Variants in UTP18 observed in about 807,000 individuals in gnomAD.
UTP18 encodes the protein U3 small nucleolar RNA-associated protein 18 homolog.
Under a neutral mutation model 61.1 loss-of-function variants are expected in UTP18, and 36 were observed. That is an observed-to-expected ratio of 0.59 (90% CI 0.45 to 0.78). UTP18 has a LOEUF of 0.78. Ranked by LOEUF, UTP18 falls within the 30% of genes least tolerant of loss-of-function variation. The probability of loss-of-function intolerance (pLI) is 0.00; values close to 1 mark genes in which losing one functional copy is unlikely to be tolerated. For missense variants in UTP18, 753 were observed against 693.9 expected (o/e 1.09, Z -0.96); for synonymous variants, 282 against 251.1 (o/e 1.12, Z -1.16).
chr17:51,288,218 A>T lies in UTP18; in HGVS notation c.1503+15A>T, dbSNP rs1362149985. ...CAGTCAGATTGGTAAATATTTCATT[A>T]CCCCTTTATTATTGTTATTTTTTAA... On this transcript the variant is annotated intron_variant, in intron 11 of 13. Transcript: ENST00000225298. 2.6e-6 allele frequency: 4 copies of T among 1,561,704 alleles called. No individual in the cohort carries two copies. Among genetic ancestry groups the T allele is most frequent in the Non-Finnish European group, 8.6e-7 (1 of 1,161,164 alleles).
intron 4 of UTP18, among the ~76,000 whole-genome samples, chr17:51,269,734 C>G (rs1249942401): frequency 6.6e-6 from 1 of 152,082 alleles, no homozygotes; most frequent in Non-Finnish European, 1.5e-5. Flanking sequence ...TGTTTCTAGC[C>G]ATTTGCTTTT....
intron 5 of UTP18, among the ~76,000 whole-genome samples, chr17:51,275,417 A>C: frequency 6.6e-6 from 1 of 152,306 alleles, no homozygotes; most frequent in South Asian, 2.1e-4. Flanking sequence ...TGCCAATTGA[A>C]GAACTGTGGG....
intron 9 of UTP18, among the ~76,000 whole-genome samples, chr17:51,283,525 C>G (rs1243248746): frequency 6.7e-6 from 1 of 148,342 alleles, no homozygotes; most frequent in Non-Finnish European, 1.5e-5. Flanking sequence ...GTTCACATTA[C>G]ATTGTTACAT....
At position 51,288,180 on chromosome 17, in the gene UTP18, A is replaced by G; in HGVS notation, c.1480A>G (p.Lys494Glu). Residue 494 changes from lysine (K) to glutamate (E), a missense_variant, in exon 11 of 14, where the codon AAA becomes GAA. Lys to Glu is a moderately conservative substitution (Grantham distance 56). Transcript: ENST00000225298. ...AGAAATCTTGGCAATTGCTTCAGAA[A>G]AAATGAAAGAAGCAGTCAGATTGGT... ...TTEILAIASEKMKEAVRLVHL... is the reference protein window; with the variant it reads ...TTEILAIASEEMKEAVRLVHL... 1 of 1,591,370 alleles carries G rather than the reference A, an allele frequency of 6.3e-7. No homozygotes were observed. Among genetic ancestry groups the G allele is most frequent in the Non-Finnish European group, 8.5e-7 (1 of 1,174,394 alleles).
chr17:51,271,864 C>T (rs1483628228), intron 4 of UTP18, among the ~76,000 whole-genome samples: 1 of 151,860 alleles, frequency 6.6e-6, no homozygotes, highest in African/African-American at 2.4e-5. Flanking sequence ...CACGGGGTTT[C>T]ACCATTTTGG....
intron 7 of UTP18, among the ~76,000 whole-genome samples, chr17:51,277,875 C>G (rs1305875179): frequency 1.3e-5 from 2 of 152,102 alleles, no homozygotes; most frequent in African/African-American, 4.8e-5. Flanking sequence ...CTTTATATCC[C>G]AAAATACACC....
intron 2 of UTP18, among the ~76,000 whole-genome samples, chr17:51,265,230 T>TAGATAA (rs2055548042): frequency 6.6e-6 from 1 of 152,118 alleles, no homozygotes; most frequent in Non-Finnish European, 1.5e-5. Context: ...CAAATGTTTA[T>TAGATAA]CTATATTTTT....
rs1444511473 is a variant in UTP18 at position 51,260,651 on chromosome 17, C to A, written c.67C>A (p.Pro23Thr). The A allele has an allele frequency of 1.9e-6, 3 of 1,612,472 alleles. No individual in the cohort carries two copies. Among genetic ancestry groups the A allele is most frequent in the East Asian group, 2.2e-5 (1 of 44,832 alleles). ...AACCGGAGCGAAGCCGAAGCGGAAG[C>A]CCGGAATGAGGCCGGACTGGAAAGC... The part of the protein sequence containing the change: ...RRTGAKPKRK[P>T]GMRPDWKAGA... The change falls in exon 1 of 14, where the codon CCC (proline) becomes ACC (threonine). Residue 23 changes from proline to threonine, a missense_variant. Pro to Thr is a conservative substitution (Grantham distance 38, BLOSUM62 -1). Coordinates refer to ENST00000225298, the MANE Select transcript of UTP18 (RefSeq NM_016001.3).
chr17:51,269,525 A>G (rs1229536983), intron 4 of UTP18, among the ~76,000 whole-genome samples: 1 of 152,018 alleles, frequency 6.6e-6, no homozygotes, highest in Non-Finnish European at 1.5e-5. Flanking sequence ...ATCCTCTCAC[A>G]TCATGTGGGA....
chr17:51,289,746 A>G (rs938759458), intron 11 of UTP18, among the ~76,000 whole-genome samples: 1 of 152,232 alleles, frequency 6.6e-6, no homozygotes, highest in African/African-American at 2.4e-5. Flanking sequence ...CGCACTTTAC[A>G]AAGTGTGTTA....
intron 9 of UTP18, among the ~76,000 whole-genome samples, chr17:51,281,134 G>A (rs1031394753): frequency 4.2e-5 from 6 of 143,404 alleles, no homozygotes; most frequent in Middle Eastern, 3.6e-3. Flanking sequence ...CTGAGATCAC[G>A]TCTCAAAATA....
intron 13 of UTP18, among the ~76,000 whole-genome samples, chr17:51,297,454 A>G (rs1480276264): frequency 6.6e-6 from 1 of 152,202 alleles, no homozygotes; most frequent in Non-Finnish European, 1.5e-5. Context: ...CCCAATATTT[A>G]AAACCATAGA....
At chr17:51,282,854 T>TCTC (rs1190277301) in intron 9 of UTP18, among the ~76,000 whole-genome samples, 1 of 104,446 alleles carries the variant, frequency 9.6e-6, no homozygotes, top group African/African-American at 4.7e-5. Context: ...CTCCTTTTCT[T>TCTC]CTTCTTCTTC....
intron 12 of UTP18, among the ~76,000 whole-genome samples, chr17:51,294,664 C>G (rs1035591027): frequency 2.0e-5 from 3 of 152,072 alleles, no homozygotes; most frequent in African/African-American, 7.2e-5. Flanking sequence ...AATAAACATA[C>G]ATGTGCATGT....
chr17:51,269,917 G>A (rs1202555080), intron 4 of UTP18, among the ~76,000 whole-genome samples: 1 of 151,878 alleles, frequency 6.6e-6, no homozygotes, highest in Non-Finnish European at 1.5e-5. Flanking sequence ...GTGCAGTGGG[G>A]CAATCTCAGC....
intron 8 of UTP18, 57 bp downstream of exon 8, chr17:51,280,162 G>A: frequency 6.5e-7 from 1 of 1,529,410 alleles, no homozygotes; most frequent in Non-Finnish European, 9.0e-7. Flanking sequence ...TGTAGGGATA[G>A]TCTTGCACCT....
chr17:51,297,045 T>C (rs753881675), intron 13 of UTP18, 42 bp downstream of exon 13: 1 of 1,539,556 alleles, frequency 6.5e-7, no homozygotes, highest in Non-Finnish European at 8.9e-7. Flanking sequence ...GGTTTTAAGA[T>C]ACACCCATTG....
chr17:51,277,409 G>C, intron 7 of UTP18, 105 bp downstream of exon 7: 1 of 1,302,278 alleles, frequency 7.7e-7, no homozygotes, highest in Non-Finnish European at 1.0e-6. Flanking sequence ...TTAAAAATAA[G>C]AGTTTCTTTA....
chr17:51,283,035 A>G (rs1474294268), intron 9 of UTP18, among the ~76,000 whole-genome samples: 3 of 148,816 alleles, frequency 2.0e-5, no homozygotes, highest in Non-Finnish European at 4.5e-5. Flanking sequence ...TACCCAGCTA[A>G]TTTTTTGTAT....
Sources: gnomAD v4.1 joint callset for allele counts (sites outside exome capture counted in the v4.1 genomes callset) on GRCh38, gnomAD v4.1.1 for gene constraint, MANE v1.5 for transcripts, NCBI Gene and HGNC (gene_info 2026-07-23, HGNC 2026-07-21) for gene names.